Variants in PIAS1 observed in about 807,000 individuals in gnomAD.
PIAS1 encodes the protein protein inhibitor of activated STAT 1.
Under a neutral mutation model 71.3 loss-of-function variants are expected in PIAS1, and 6 were observed. The ratio of observed to expected loss-of-function variants is 0.08; its 90% confidence interval spans 0.05 to 0.17. The LOEUF (loss-of-function observed/expected upper bound fraction) is 0.17. Ranked by LOEUF, PIAS1 falls within the 10% of genes least tolerant of loss-of-function variation. PIAS1 has a pLI of 1.00. For missense variants in PIAS1, 555 were observed against 793.6 expected (o/e 0.70, Z 3.61); for synonymous variants, 303 against 292.9 (o/e 1.03, Z -0.35).
At chr15:68,176,232 A>AGTG (rs1270540058) in intron 10 of PIAS1, among the ~76,000 whole-genome samples, 1 of 152,182 alleles carries the variant, frequency 6.6e-6, no homozygotes, top group Non-Finnish European at 1.5e-5. Flanking sequence ...TTTCTTCTGA[A>AGTG]GTGGACATAT....
intron 2 of PIAS1, among the ~76,000 whole-genome samples, chr15:68,094,516 T>C (rs2092358393): frequency 6.6e-6 from 1 of 152,094 alleles, no homozygotes; most frequent in Non-Finnish European, 1.5e-5. Context: ...ATAACATTGG[T>C]TACCAGTGTT....
chr15:68,127,508 A>G (rs2092659082), intron 2 of PIAS1, among the ~76,000 whole-genome samples: 1 of 152,190 alleles, frequency 6.6e-6, no homozygotes, highest in African/African-American at 2.4e-5. Flanking sequence ...CTAGTTGAGG[A>G]TGCGTTTTTC....
intron 1 of PIAS1, among the ~76,000 whole-genome samples, chr15:68,083,070 A>T (rs2092243388): frequency 6.6e-6 from 1 of 152,168 alleles, no homozygotes; most frequent in South Asian, 2.1e-4. Flanking sequence ...AGAATGCTAC[A>T]AAATTGCTGA....
intron 6 of PIAS1, among the ~76,000 whole-genome samples, chr15:68,149,009 G>A (rs922395179): frequency 2.6e-5 from 4 of 152,062 alleles, no homozygotes; most frequent in Admixed American, 6.6e-5. Context: ...TTTCTGGGTG[G>A]GGGGCTAGGC....
intron 2 of PIAS1, among the ~76,000 whole-genome samples, chr15:68,127,579 T>C (rs1422288893): frequency 6.6e-6 from 1 of 152,096 alleles, no homozygotes; most frequent in East Asian, 1.9e-4. Context: ...TTTGTTGCCC[T>C]CCTATTTCTT....
chr15:68,123,190 C>G (rs1030086198), intron 2 of PIAS1, among the ~76,000 whole-genome samples: 2 of 151,982 alleles, frequency 1.3e-5, no homozygotes, highest in Admixed American at 6.6e-5. Flanking sequence ...TAGCTAGGAC[C>G]TACTGGTGTG....
At chr15:68,096,670 T>G (rs1279946883) in intron 2 of PIAS1, among the ~76,000 whole-genome samples, 1 of 152,168 alleles carries the variant, frequency 6.6e-6, no homozygotes, top group Non-Finnish European at 1.5e-5. Flanking sequence ...TTTATCCTTC[T>G]TGATGCTACT....
At chr15:68,146,206 T>C (rs1439038350) in intron 5 of PIAS1, among the ~76,000 whole-genome samples, 1 of 152,134 alleles carries the variant, frequency 6.6e-6, no homozygotes, top group Non-Finnish European at 1.5e-5. Context: ...TATGGTAGAA[T>C]GGAGATTTGA....
intron 11 of PIAS1, among the ~76,000 whole-genome samples, chr15:68,179,564 CTTTTTTTTTTTTTTTTTT>C (rs766344324): frequency 7.5e-5 from 3 of 40,094 alleles, no homozygotes; most frequent in South Asian, 1.5e-3. Flanking sequence ...GTGAAATGTT[CTTTTTTTTTTTTTTTTTT>C]TTTTTTTTTT....
At chr15:68,141,440 CTG>C (rs2092769623) in intron 2 of PIAS1, among the ~76,000 whole-genome samples, 1 of 151,954 alleles carries the variant, frequency 6.6e-6, no homozygotes, top group Non-Finnish European at 1.5e-5. Context: ...AGGAGAAAAA[CTG>C]TATGTGATAT....
intron 1 of PIAS1, among the ~76,000 whole-genome samples, chr15:68,072,469 C>A (rs1008786959): frequency 2.0e-5 from 3 of 147,848 alleles, no homozygotes; most frequent in Non-Finnish European, 4.5e-5. Context: ...TGAGAATTTT[C>A]CACATTGAAA....
intron 7 of PIAS1, among the ~76,000 whole-genome samples, chr15:68,155,615 G>A: frequency 6.6e-6 from 1 of 152,030 alleles, no homozygotes; most frequent in Non-Finnish European, 1.5e-5. Flanking sequence ...AGTACTTCTA[G>A]CAAAGTTTTA....
chr15:68,055,704 A>T, intron 1 of PIAS1: 1 of 469,062 alleles, frequency 2.1e-6, no homozygotes, highest in Non-Finnish European at 3.7e-6. Context: ...GGAGATGGGG[A>T]TATACAATTG....
chr15:68,179,564 C>CTTTTTTTTTTTTTTT (rs766344324), intron 11 of PIAS1, among the ~76,000 whole-genome samples: 416 of 40,092 alleles, frequency 0.01, 138 homozygotes, highest in East Asian at 0.016. Context: ...GTGAAATGTT[C>CTTTTTTTTTTTTTTT]TTTTTTTTTT....
At chr15:68,129,125 G>T (rs1337574041) in intron 2 of PIAS1, among the ~76,000 whole-genome samples, 1 of 151,990 alleles carries the variant, frequency 6.6e-6, no homozygotes, top group Admixed American at 6.6e-5. Flanking sequence ...GCAGTGGTAC[G>T]ATCATTTTTC....
chr15:68,104,020 C>T (rs1472413683), intron 2 of PIAS1, among the ~76,000 whole-genome samples: 31 of 152,166 alleles, frequency 2.0e-4, no homozygotes, highest in Non-Finnish European at 4.4e-5. Context: ...AGACTGTTTT[C>T]TAAAGCAGCT....
At chr15:68,141,405 G>C (rs1030263155) in intron 2 of PIAS1, among the ~76,000 whole-genome samples, 2 of 151,922 alleles carry the variant, frequency 1.3e-5, no homozygotes, top group African/African-American at 4.8e-5. Flanking sequence ...GTGACAATAA[G>C]CAAATTTTGA....
chr15:68,133,410 G>A (rs532692939), intron 2 of PIAS1, among the ~76,000 whole-genome samples: 2 of 151,962 alleles, frequency 1.3e-5, no homozygotes, highest in Admixed American at 1.3e-4. Flanking sequence ...ATAACAAAAA[G>A]ATTTGGAAAT....
chr15:68,145,968 C>A, intron 5 of PIAS1, 62 bp downstream of exon 5: 2 of 945,300 alleles, frequency 2.1e-6, no homozygotes, highest in Non-Finnish European at 3.4e-6. Flanking sequence ...TAAGTCATCA[C>A]AACTGTTGTT....
Sources: gnomAD v4.1 joint callset for allele counts (sites outside exome capture counted in the v4.1 genomes callset) on GRCh38, gnomAD v4.1.1 for gene constraint, MANE v1.5 for transcripts, NCBI Gene and HGNC (gene_info 2026-07-23, HGNC 2026-07-21) for gene names.